The following NSUN6 variants were observed in gnomAD, a reference collection of about 807,000 sequenced individuals.
NSUN6 encodes tRNA (cytosine(72)-C(5))-methyltransferase NSUN6.
In NSUN6, 64 loss-of-function variants were observed where a neutral mutation model predicts 58.0. That is an observed-to-expected ratio of 1.10 (90% confidence interval 0.90 to 1.36). NSUN6 has a LOEUF of 1.36. NSUN6 is among the 40% of genes most tolerant of loss of function. The pLI is 0.00. For synonymous variants in NSUN6, 231 were observed against 193.9 expected (o/e 1.19, Z -1.59); for missense variants, 701 against 550.1 (o/e 1.27, Z -2.74).
chr10:18,569,406 A>G (rs189064660), intron 8 of NSUN6, among the ~76,000 whole-genome samples: 1 of 148,666 alleles, frequency 6.7e-6, no homozygotes, highest in African/African-American at 2.5e-5. Flanking sequence ...TCTCCCTTCC[A>G]TTCCATTGCC....
Position 18,547,344 on chromosome 10 carries a change from T to C in NSUN6, c.1197+768A>G, listed in dbSNP as rs956599672. Among the ~76,000 whole-genome samples, 36 of 152,218 alleles carry C rather than the reference T, an allele frequency of 2.4e-4. 1 individual carries two copies. Among genetic ancestry groups the C allele is most frequent in the African/African-American group, 8.0e-4 (33 of 41,458 alleles). Reference sequence around the variant, plus strand: ...GGTATATATTTTGAGTGTGTGTATATTTCCAAATGAATTCCGAAGTCTTCC... The same window carrying C: ...GGTATATATTTTGAGTGTGTGTATACTTCCAAATGAATTCCGAAGTCTTCC... On this transcript the variant is annotated intron_variant, in intron 10 of 10. Coordinates refer to ENST00000377304, the MANE Select transcript of NSUN6 (RefSeq NM_182543.5).
chr10:18,624,733 AGTAACAG>A (rs72402183), intron 3 of NSUN6, among the ~76,000 whole-genome samples: 51,869 of 150,318 alleles, frequency 0.35, 9,536 homozygotes, highest in East Asian at 0.74. Flanking sequence ...AAAAAATTAA[AGTAACAG>A]GCTTGAGACT....
chr10:18,645,280 C>A (rs562887185), intron 2 of NSUN6, among the ~76,000 whole-genome samples: 9 of 151,714 alleles, frequency 5.9e-5, no homozygotes, highest in Non-Finnish European at 1.5e-5. Flanking sequence ...GATAGTGACA[C>A]CTTTGCTTTC....
At chr10:18,645,835 C>T (rs2059530596) in intron 2 of NSUN6, among the ~76,000 whole-genome samples, 2 of 152,260 alleles carry the variant, frequency 1.3e-5, no homozygotes, top group South Asian at 4.1e-4. Context: ...TTTCAACCTA[C>T]AATGTTTGAA....
At chr10:18,606,765 T>A (rs914477894) in intron 6 of NSUN6, among the ~76,000 whole-genome samples, 44 of 152,206 alleles carry the variant, frequency 2.9e-4, no homozygotes, top group Non-Finnish European at 5.3e-4. Flanking sequence ...AAAAAATCTT[T>A]ATTAAAAAGA....
rs570216397 is a variant in NSUN6, at chr10:18,568,805, TTCCATTCCGTTC to T, written c.923-16846_923-16835del. ...CTAACATTCTTCATTCCATTCCACA[TTCCATTCCGTTC>T]TCCATTCCATTCCATTCTCTATTCC... On this transcript the variant is annotated intron_variant, in intron 8 of 10. Coordinates refer to ENST00000377304, the MANE Select transcript of NSUN6 (RefSeq NM_182543.5). 1.6e-4 allele frequency among the ~76,000 whole-genome samples: 24 copies of T among 151,298 alleles called. No individual in the cohort carries two copies. The East Asian group carries it at 4.5e-3, about 28-fold the overall frequency.
At chr10:18,576,890 G>A (rs980022385) in intron 8 of NSUN6, among the ~76,000 whole-genome samples, 1 of 152,090 alleles carries the variant, frequency 6.6e-6, no homozygotes, top group Non-Finnish European at 1.5e-5. Context: ...TCAACCAGAG[G>A]AAGAAAAAAT....
intron 8 of NSUN6, among the ~76,000 whole-genome samples, chr10:18,564,958 T>TCATTCCATTCCATTCTC (rs1338586379): frequency 1.4e-5 from 2 of 147,770 alleles, no homozygotes; most frequent in African/African-American, 5.0e-5. Flanking sequence ...ATTCTATTCT[T>TCATTCCATTCCATTCTC]CATTCCATTC....
Position 18,545,690 on chromosome 10 carries a change from C to A in NSUN6, c.*243G>T. ...TGCTCCAGACATCTATAGGCATCTG[C>A]TTTTCTTTATACTCTACTAAATACA... On this transcript the variant is annotated 3_prime_UTR_variant, in exon 11 of 11. Coordinates refer to ENST00000377304, the MANE Select transcript of NSUN6 (RefSeq NM_182543.5). The A allele has an allele frequency of 2.7e-6, 1 of 363,824 alleles. No individual in the cohort carries two copies. The highest frequency in any genetic ancestry group is 4.9e-6 in the Non-Finnish European group (1 of 205,660). 22.5% of individuals were successfully genotyped at this position (363,824 alleles called of 1,614,324 possible).
At position 18,545,861 on chromosome 10, in the gene NSUN6, C is replaced by T. The variant is rs532297311; in HGVS notation, c.*72G>A. Reference sequence around the variant, plus strand: ...TCATCATTCAGTTGGCCTGACAACACTTTGGTTAAAAAAAAAAAAACCACA... The same window carrying T: ...TCATCATTCAGTTGGCCTGACAACATTTTGGTTAAAAAAAAAAAAACCACA... On this transcript the variant is annotated 3_prime_UTR_variant, in exon 11 of 11. Coordinates refer to ENST00000377304, the MANE Select transcript of NSUN6 (RefSeq NM_182543.5). The T allele has an allele frequency of 1.4e-5, 5 of 353,738 alleles. No homozygotes were observed. Among genetic ancestry groups the T allele is most frequent in the Non-Finnish European group, 1.7e-5 (4 of 229,170 alleles). 21.9% of individuals were successfully genotyped at this position (353,738 alleles called of 1,614,324 possible).
chr10:18,617,960 T>C (rs1000828994), intron 3 of NSUN6, among the ~76,000 whole-genome samples: 3 of 152,194 alleles, frequency 2.0e-5, no homozygotes, highest in African/African-American at 7.2e-5. Context: ...CCTCCAACAC[T>C]ACAAAAAACA....
chr10:18,584,230 G>C (rs1051552116), intron 8 of NSUN6, among the ~76,000 whole-genome samples: 13 of 152,192 alleles, frequency 8.5e-5, no homozygotes, highest in African/African-American at 3.1e-4. Flanking sequence ...CCAGGAAGGT[G>C]CCAATTAAAC....
chr10:18,587,388 A>T (rs1382301788), intron 7 of NSUN6, among the ~76,000 whole-genome samples: 1 of 152,240 alleles, frequency 6.6e-6, no homozygotes, highest in Non-Finnish European at 1.5e-5. Flanking sequence ...ACCTCTGTAT[A>T]GCATAGCAAA....
intron 7 of NSUN6, among the ~76,000 whole-genome samples, chr10:18,594,150 AGAC>A (rs1331935656): frequency 6.6e-6 from 1 of 151,534 alleles, no homozygotes; most frequent in Non-Finnish European, 1.5e-5. Flanking sequence ...CAGTAAGCCA[AGAC>A]TGGGCCACGG....
intron 6 of NSUN6, among the ~76,000 whole-genome samples, chr10:18,605,448 T>C (rs2058014179): frequency 6.6e-6 from 1 of 152,180 alleles, no homozygotes; most frequent in South Asian, 2.1e-4. Context: ...TGGAAAATCA[T>C]TGTTCTGTAA....
chr10:18,657,673 G>A (rs1409274031), upstream of NSUN6, among the ~76,000 whole-genome samples: 1 of 151,816 alleles, frequency 6.6e-6, no homozygotes, highest in African/African-American at 2.4e-5. Flanking sequence ...AAGTGCCCTG[G>A]TGTGATCTCT....
upstream of NSUN6, among the ~76,000 whole-genome samples, chr10:18,657,709 G>A (rs1228595983): frequency 6.6e-6 from 1 of 152,010 alleles, no homozygotes; most frequent in Non-Finnish European, 1.5e-5. Flanking sequence ...TGCCTCCCAG[G>A]TTCAAGCAAT....
At chr10:18,656,013 C>T (rs2059773513), upstream of NSUN6, among the ~76,000 whole-genome samples, 1 of 152,254 alleles carries the variant, frequency 6.6e-6, no homozygotes, top group East Asian at 1.9e-4. Flanking sequence ...CATAAAGCAA[C>T]TTTGTCAGAA....
At chr10:18,612,907 A>T (rs2058286474) in intron 5 of NSUN6, among the ~76,000 whole-genome samples, 1 of 152,212 alleles carries the variant, frequency 6.6e-6, no homozygotes, top group Non-Finnish European at 1.5e-5. Context: ...CTGGAATTCA[A>T]GAAAGCAAAG....
Sources: gnomAD v4.1 joint callset for allele counts (sites outside exome capture counted in the v4.1 genomes callset) on GRCh38, gnomAD v4.1.1 for gene constraint, MANE v1.5 for transcripts, NCBI Gene and HGNC (gene_info 2026-07-23, HGNC 2026-07-21) for gene names.